Variants in RCOR1 observed in about 807,000 individuals in gnomAD.
RCOR1 encodes the protein REST corepressor.
A neutral mutation model predicts 64.0 loss-of-function variants in RCOR1; 12 were observed. The observed-to-expected ratio is 0.19, with a 90% CI of 0.12 to 0.30. The LOEUF is 0.30. Ranked by LOEUF, RCOR1 falls within the 10% of genes least tolerant of loss-of-function variation. The pLI, the probability that RCOR1 is intolerant of heterozygous loss-of-function variation, is 1.00. For synonymous variants in RCOR1, 279 were observed against 227.2 expected, an observed-to-expected ratio of 1.23 and a Z score of -2.05; for missense variants, 502 against 621.2, an observed-to-expected ratio of 0.81 and a Z score of 2.04.
In RCOR1 at chr14:102,592,871, G is replaced by A. The variant is rs1893156157; in HGVS notation, c.-16G>A. 8.2e-7 allele frequency: 1 copy of A among 1,213,732 alleles called. No homozygotes were observed. The highest frequency in any genetic ancestry group is 1.0e-6 in the Non-Finnish European group (1 of 975,846). The allele number at this position is 1,213,732 out of a possible 1,614,324, so 75.2% of individuals were successfully genotyped here. A position where few individuals can be genotyped will look rare whatever the true frequency, so the allele number is the denominator to read the frequency against. ...CGCGGGTCCCCGCCACTTTCGCACGGCCCCGGCCCCCGCCGATGCCGGCCA... is the reference window on the plus strand; with the variant it reads ...CGCGGGTCCCCGCCACTTTCGCACGACCCCGGCCCCCGCCGATGCCGGCCA... On this transcript the variant is annotated 5_prime_UTR_variant, in exon 1 of 12. Coordinates refer to ENST00000262241, the MANE Select transcript of RCOR1 (RefSeq NM_015156.4).
At chr14:102,666,843 C>T (rs917198614) in intron 2 of RCOR1, among the ~76,000 whole-genome samples, 4 of 152,134 alleles carry the variant, frequency 2.6e-5, no homozygotes, top group African/African-American at 4.8e-5. Context: ...TGTTGCCTGG[C>T]GGAGTACTTT....
chr14:102,658,580 A>G (rs1442079535), intron 2 of RCOR1: 3 of 985,254 alleles, frequency 3.0e-6, no homozygotes, highest in Non-Finnish European at 2.4e-6. Flanking sequence ...ATGGCTACCT[A>G]CCTACCCCCC....
chr14:102,603,299 G>A (rs1595190081), intron 2 of RCOR1, among the ~76,000 whole-genome samples: 1 of 151,844 alleles, frequency 6.6e-6, no homozygotes, highest in Non-Finnish European at 1.5e-5. Context: ...GATAAGAAAA[G>A]AGTGTCTTTT....
chr14:102,605,729 T>G (rs1893493019), intron 2 of RCOR1, among the ~76,000 whole-genome samples: 2 of 152,210 alleles, frequency 1.3e-5, no homozygotes, highest in African/African-American at 2.4e-5. Flanking sequence ...AATTATCAGT[T>G]TGCTGTAAAA....
At chr14:102,608,299 G>T (rs12185065) in intron 2 of RCOR1, among the ~76,000 whole-genome samples, 84,145 of 151,976 alleles carry the variant, frequency 0.55, 25,457 homozygotes, top group South Asian at 0.7. Context: ...TCACGTAAAT[G>T]GGTATGTGAC....
At position 102,609,955 on chromosome 14, in the gene RCOR1, T is replaced by C. The variant is rs528554661; in HGVS notation, c.361+16630T>C. ...GAGATTGAGCCCACCCTGGACAACATGACAACATGGTGAAACCCTGTCTCT... is the reference window on the plus strand; with the variant it reads ...GAGATTGAGCCCACCCTGGACAACACGACAACATGGTGAAACCCTGTCTCT... On this transcript the variant is annotated intron_variant, in intron 2 of 11. Transcript: ENST00000262241. Among the ~76,000 whole-genome samples, 26 of 152,012 alleles carry C rather than the reference T, an allele frequency of 1.7e-4. No individual in the cohort carries two copies. The East Asian group carries it at 4.5e-3, about 26-fold the overall frequency.
At chr14:102,634,575 C>T (rs1894192237) in intron 2 of RCOR1, among the ~76,000 whole-genome samples, 3 of 150,544 alleles carry the variant, frequency 2.0e-5, no homozygotes, top group Non-Finnish European at 4.4e-5. Flanking sequence ...AGTTTTTTGA[C>T]ATCTTTCCAC....
chr14:102,620,907 A>G (rs1893859407), intron 2 of RCOR1, among the ~76,000 whole-genome samples: 2 of 152,068 alleles, frequency 1.3e-5, no homozygotes, highest in Admixed American at 6.6e-5. Flanking sequence ...TAACCTACCT[A>G]TCTGCAAGTA....
In RCOR1 at chr14:102,592,658, G is replaced by C; in HGVS notation, c.-229G>C. Reference sequence around the variant, plus strand: ...TGCTCCCGGAGTAGTTGGTGCCAGTGAAGTGAGGGCGGCGATGAGAGCGAA... The same window carrying C: ...TGCTCCCGGAGTAGTTGGTGCCAGTCAAGTGAGGGCGGCGATGAGAGCGAA... On this transcript the variant is annotated 5_prime_UTR_variant, in exon 1 of 12. Coordinates refer to ENST00000262241, the MANE Select transcript of RCOR1 (RefSeq NM_015156.4). 4 of 1,228,654 alleles carry C rather than the reference G, an allele frequency of 3.3e-6. No homozygotes were observed. The highest frequency in any genetic ancestry group is 4.1e-6 in the Non-Finnish European group (4 of 986,010). The allele number at this position is 1,228,654 out of a possible 1,614,324, so 76.1% of individuals were successfully genotyped here.
At chr14:102,680,152 A>T (rs1369787440) in intron 2 of RCOR1, among the ~76,000 whole-genome samples, 2 of 151,924 alleles carry the variant, frequency 1.3e-5, no homozygotes, top group Admixed American at 6.6e-5. Context: ...GATGCTAATG[A>T]TCTTTAATTT....
chr14:102,611,121 G>A (rs1893624281), intron 2 of RCOR1, among the ~76,000 whole-genome samples: 1 of 152,110 alleles, frequency 6.6e-6, no homozygotes, highest in Admixed American at 6.6e-5. Context: ...CCAGACTGGA[G>A]TGGAATGGTG....
At chr14:102,629,959 GA>G (rs1165716004) in intron 2 of RCOR1, 3 of 966,676 alleles carry the variant, frequency 3.1e-6, no homozygotes, top group Middle Eastern at 5.3e-4. Context: ...CATTATATGT[GA>G]CCTCCTAGAT....
At position 102,624,643 on chromosome 14, in the gene RCOR1, A is replaced by G. The variant is rs183442902; in HGVS notation, c.361+31318A>G. ...TAGCCAGGTGTGATGGTGCGTACCT[A>G]TAGTCACAGCTACTTCGGAGACTGA... On this transcript the variant is annotated intron_variant, in intron 2 of 11. Coordinates refer to ENST00000262241, the MANE Select transcript of RCOR1 (RefSeq NM_015156.4). Among the ~76,000 whole-genome samples, 68 of 152,082 alleles carry G rather than the reference A, an allele frequency of 4.5e-4. No homozygotes were observed. The East Asian group carries it at 7.2e-3, about 16-fold the overall frequency.
intron 2 of RCOR1, among the ~76,000 whole-genome samples, chr14:102,660,055 CTA>C (rs1894800456): frequency 6.6e-6 from 1 of 152,152 alleles, no homozygotes; most frequent in African/African-American, 2.4e-5. Context: ...AATTCTGTCA[CTA>C]TGAGGTAGAG....
At chr14:102,690,782 A>C (rs1294358895) in intron 3 of RCOR1, among the ~76,000 whole-genome samples, 2 of 152,032 alleles carry the variant, frequency 1.3e-5, no homozygotes, top group Admixed American at 1.3e-4. Context: ...CGTATTATCT[A>C]CTTTATGTCT....
chr14:102,662,166 C>A (rs1192769365), intron 2 of RCOR1: 2 of 407,082 alleles, frequency 4.9e-6, no homozygotes, highest in East Asian at 6.1e-5. Flanking sequence ...GTACATACTT[C>A]TGCAACTTTT....
rs1211039731 is a variant in RCOR1 at position 102,655,288 on chromosome 14, C to T, written c.362-26607C>T. 17 of 984,930 alleles carry T rather than the reference C, an allele frequency of 1.7e-5. No homozygotes were observed. In the South Asian group the frequency reaches 2.8e-4, roughly 16 times the overall value. The allele number at this position is 984,930 out of a possible 1,614,324, so 61.0% of individuals were successfully genotyped here. A position where few individuals can be genotyped will look rare whatever the true frequency, so the allele number is the denominator to read the frequency against. ...TGGAGGCAGTTTTCTGATTTATTTT[C>T]TACAAGGATTCTGTTTAAATACTGG... On this transcript the variant is annotated intron_variant, in intron 2 of 11. Transcript: ENST00000262241.
At chr14:102,660,739 A>G (rs972468168) in intron 2 of RCOR1, among the ~76,000 whole-genome samples, 1 of 152,196 alleles carries the variant, frequency 6.6e-6, no homozygotes, top group Non-Finnish European at 1.5e-5. Context: ...GTAATGAGAA[A>G]TTGACAGCAT....
chr14:102,725,597 G>A (rs1356414260), intron 11 of RCOR1, among the ~76,000 whole-genome samples: 1 of 152,050 alleles, frequency 6.6e-6, no homozygotes, highest in Non-Finnish European at 1.5e-5. Context: ...TTTTTGAGAC[G>A]GAGTCTTGTT....
Sources: gnomAD v4.1 joint callset for allele counts (sites outside exome capture counted in the v4.1 genomes callset) on GRCh38, gnomAD v4.1.1 for gene constraint, MANE v1.5 for transcripts, NCBI Gene and HGNC (gene_info 2026-07-23, HGNC 2026-07-21) for gene names.